ARHGEF18: variants seen among roughly 807,000 people sequenced by gnomAD.
The protein encoded by ARHGEF18 is rho guanine nucleotide exchange factor 18.
A neutral mutation model predicts 155.7 loss-of-function variants in ARHGEF18; 93 were observed. The ratio of observed to expected loss-of-function variants is 0.60; its 90% CI spans 0.50 to 0.71. The LOEUF is 0.71. ARHGEF18 is among the 30% of genes least tolerant of loss of function. The pLI is 0.00. For missense variants in ARHGEF18, 1,593 were observed against 1,816.1 expected (o/e 0.88, Z 2.23); for synonymous variants, 742 against 753.1 (o/e 0.99, Z 0.24).
intron 10 of ARHGEF18, among the ~76,000 whole-genome samples, chr19:7,406,958 G>C (rs373356844): frequency 6.8e-6 from 1 of 147,012 alleles, no homozygotes; most frequent in African/African-American, 2.5e-5. Flanking sequence ...CCAGCTACTT[G>C]GGAGGCTGAG....
At chr19:7,388,406 A>G (rs779060699) in intron 10 of ARHGEF18, among the ~76,000 whole-genome samples, 2 of 151,664 alleles carry the variant, frequency 1.3e-5, no homozygotes, top group Non-Finnish European at 2.9e-5. Context: ...TAAGTGCTCT[A>G]AACCGATTTC....
Position 7,467,529 on chromosome 19 carries a change from C to T in ARHGEF18, c.3325C>T (p.Leu1109=), listed in dbSNP as rs1394317052. The T allele has an allele frequency of 1.4e-6, 2 of 1,443,112 alleles. No individual in the cohort carries two copies. Among genetic ancestry groups the T allele is most frequent in the Non-Finnish European group, 1.8e-6 (2 of 1,109,704 alleles). The allele number at this position is 1,443,112 out of a possible 1,614,324, so 89.4% of individuals were successfully genotyped here. ...GCGGCTGGAGCAGGAGCGGGCCGAG[C>T]TGGAGCGCCAGCGCCAGGCCTACCA... is the stretch of plus-strand genomic sequence containing the variant. ...RERLEQERAE[L]ERQRQAYQHD... The change falls in exon 26 of 29, where the codon CTG becomes TTG. Residue 1109 remains leucine (L), a synonymous_variant. Transcript: ENST00000668164.
chr19:7,368,404 C>A (rs1277664888), intron 2 of ARHGEF18, among the ~76,000 whole-genome samples: 3 of 152,080 alleles, frequency 2.0e-5, no homozygotes, highest in African/African-American at 7.2e-5. Context: ...TACTCAGATA[C>A]CTGGAAAGAC....
chr19:7,393,155 G>A (rs759264513), intron 10 of ARHGEF18, among the ~76,000 whole-genome samples: 5 of 150,986 alleles, frequency 3.3e-5, no homozygotes, highest in East Asian at 1.9e-4. Context: ...ATAAACTCCC[G>A]TGTTAGAGTT....
At chr19:7,391,992 G>A (rs1971427964) in intron 10 of ARHGEF18, among the ~76,000 whole-genome samples, 1 of 152,136 alleles carries the variant, frequency 6.6e-6, no homozygotes, top group East Asian at 1.9e-4. Context: ...TGTAATCCCA[G>A]CACTTTGGGA....
chr19:7,394,219 T>C (rs149353397), intron 10 of ARHGEF18, among the ~76,000 whole-genome samples: 260 of 151,576 alleles, frequency 1.7e-3, no homozygotes, highest in African/African-American at 5.9e-3. Flanking sequence ...TCTGGAGGAG[T>C]TGGGACCACA....
chr19:7,454,728 C>G (rs1975718728), intron 17 of ARHGEF18, among the ~76,000 whole-genome samples: 1 of 152,110 alleles, frequency 6.6e-6, no homozygotes, highest in Admixed American at 6.5e-5. Context: ...CAGTACACAC[C>G]AGGAGGGCAT....
At chr19:7,446,897 A>G (rs1199183665) in intron 14 of ARHGEF18, 146 bp from the exon 15 acceptor site, 1 of 603,026 alleles carries the variant, frequency 1.7e-6, no homozygotes. Context: ...TGCTGTCTCA[A>G]AAAAAAAAAA....
chr19:7,367,853 TATAC>T (rs1430052254), intron 2 of ARHGEF18, among the ~76,000 whole-genome samples: 1 of 75,924 alleles, frequency 1.3e-5, no homozygotes, highest in East Asian at 3.0e-4. Flanking sequence ...TATATATATA[TATAC>T]ACATATATAT....
At chr19:7,442,956 C>G (rs1037034646) in intron 13 of ARHGEF18, among the ~76,000 whole-genome samples, 16 of 151,898 alleles carry the variant, frequency 1.1e-4, no homozygotes, top group Non-Finnish European at 1.9e-4. Context: ...GTGATGCAGT[C>G]TCAGCTCCCT....
intron 1 of ARHGEF18, among the ~76,000 whole-genome samples, chr19:7,354,841 A>C (rs892486640): frequency 1.3e-5 from 2 of 152,090 alleles, no homozygotes; most frequent in Non-Finnish European, 2.9e-5. Context: ...TGGAGGCTGC[A>C]GTGAGCTGTG....
chr19:7,391,128 A>C (rs1349351700), intron 10 of ARHGEF18, among the ~76,000 whole-genome samples: 2 of 152,166 alleles, frequency 1.3e-5, no homozygotes, highest in African/African-American at 2.4e-5. Flanking sequence ...CACCTGTGTC[A>C]GGAGGCATGA....
chr19:7,376,642 G>T lies in ARHGEF18; in HGVS notation c.427-1G>T. 2.4e-6 allele frequency: 3 copies of T among 1,234,122 alleles called. No individual in the cohort carries two copies. In the South Asian group the frequency reaches 1.2e-4, roughly 51 times the overall value. The allele number at this position is 1,234,122 out of a possible 1,614,324, so 76.4% of individuals were successfully genotyped here. On this transcript the variant is annotated splice_acceptor_variant, in intron 4 of 28. Coordinates refer to ENST00000668164, the MANE Select transcript of ARHGEF18 (RefSeq NM_001367823.1). LOFTEE classifies it high-confidence loss of function. ...TTAGTGAGATGTTTAATCCCCTGCA[G>T]GAATGTGACAGCCCCAAGAAAAGAG...
intron 15 of ARHGEF18, among the ~76,000 whole-genome samples, chr19:7,448,576 G>T (rs535884189): frequency 1.3e-5 from 2 of 152,120 alleles, no homozygotes; most frequent in African/African-American, 4.8e-5. Flanking sequence ...CAGAAGAATG[G>T]TGTGAACCCG....
At chr19:7,441,860 T>C in intron 12 of ARHGEF18, 52 bp from the exon 13 acceptor site, 1 of 1,613,130 alleles carries the variant, frequency 6.2e-7, no homozygotes, top group Non-Finnish European at 8.5e-7. Flanking sequence ...GGGAGGGAAT[T>C]GGGGTGGCAT....
chr19:7,474,889 T>C (rs1977186236), downstream of ARHGEF18, among the ~76,000 whole-genome samples: 1 of 151,798 alleles, frequency 6.6e-6, no homozygotes, highest in African/African-American at 2.4e-5. Context: ...CAGCACTCCT[T>C]ATGGGCCCTG....
chr19:7,462,114 C>A lies in ARHGEF18; in HGVS notation c.2453-38C>A, dbSNP rs777017192. The A allele has an allele frequency of 6.2e-7, 1 of 1,612,802 alleles. No individual in the cohort carries two copies. The highest frequency in any genetic ancestry group is 8.5e-7 in the Non-Finnish European group (1 of 1,179,740). ...GGGCTCAGATGATTCCAGGGAAGGCCGACCCGGCTGACTGCCACCTCCACC... is the reference window on the plus strand; with the variant it reads ...GGGCTCAGATGATTCCAGGGAAGGCAGACCCGGCTGACTGCCACCTCCACC... On this transcript the variant is annotated intron_variant, in intron 20 of 28. Transcript: ENST00000668164. The surrounding 1 kb of genome is among the most constrained non-coding windows in gnomAD (Gnocchi z 4.4).
chr19:7,378,684 C>CTTTTTTTTTT (rs548305968), intron 6 of ARHGEF18, among the ~76,000 whole-genome samples: 1 of 88,134 alleles, frequency 1.1e-5, no homozygotes, highest in African/African-American at 5.1e-5. Flanking sequence ...ACAATTGTGG[C>CTTTTTTTTTT]TTTTTTTTTT....
At chr19:7,386,567 G>A (rs1197573163) in intron 10 of ARHGEF18, among the ~76,000 whole-genome samples, 4 of 152,056 alleles carry the variant, frequency 2.6e-5, no homozygotes, top group Non-Finnish European at 5.9e-5. Context: ...GGTGGGAAAA[G>A]GGCCCTGTGG....
Sources: allele counts gnomAD v4.1 joint callset (sites outside exome capture counted in the v4.1 genomes callset), GRCh38; gene constraint gnomAD v4.1.1; non-coding constraint Gnocchi (gnomAD v3.1); transcripts MANE v1.5; gene names NCBI Gene and HGNC (gene_info 2026-07-23, HGNC 2026-07-21).